Variants in GDPD5 observed in about 807,000 individuals in gnomAD.
GDPD5 encodes glycerophosphodiester phosphodiesterase domain containing 5, also known as glycerophosphodiester phosphodiesterase 2.
GDPD5 carries 48 observed loss-of-function variants against 75.1 expected under a neutral mutation model. The observed-to-expected ratio is 0.64, with a 90% confidence interval of 0.51 to 0.81. The LOEUF is 0.81. Ranked by LOEUF, GDPD5 falls within the 40% of genes least tolerant of loss-of-function variation. The pLI is 0.00. For missense variants in GDPD5, 706 were observed against 822.6 expected (o/e 0.86, Z 1.73); for synonymous variants, 336 against 339.0 (o/e 0.99, Z 0.10).
rs1391957732 is a variant in GDPD5, at chr11:75,449,502, C to A, written c.568+15G>T. The A allele has an allele frequency of 6.4e-7, 1 of 1,555,924 alleles. No individual in the cohort carries two copies. Among genetic ancestry groups the A allele is most frequent in the East Asian group, 2.4e-5 (1 of 42,144 alleles). On this transcript the variant is annotated intron_variant, in intron 8 of 16. Transcript: ENST00000336898. ...GCAGGGATTGGAGGGGCAGGCCCTT[C>A]ACAGTTCTACTCACAGGTCCGCTCT...
intron 1 of GDPD5, 152 bp from the exon 2 acceptor site, chr11:75,490,472 G>A (rs1007302647): frequency 5.3e-5 from 8 of 152,304 alleles, no homozygotes; most frequent in African/African-American, 1.9e-4. Flanking sequence ...CCCTGCCCTG[G>A]GGAAGCCACA....
At chr11:75,485,183 CA>C (rs1056693596) in intron 2 of GDPD5, 5 of 152,126 alleles carry the variant, frequency 3.3e-5, no homozygotes, top group South Asian at 2.1e-4. Flanking sequence ...GTCAAGGACT[CA>C]GGGGGAAGGG....
At chr11:75,494,303 C>T (rs1019947343) in intron 1 of GDPD5, among the ~76,000 whole-genome samples, 4 of 150,994 alleles carry the variant, frequency 2.6e-5, no homozygotes, top group East Asian at 1.9e-4. Context: ...CTGCAACCTC[C>T]GCCTCCCAGG....
intron 2 of GDPD5, among the ~76,000 whole-genome samples, chr11:75,483,767 T>C (rs975800149): frequency 3.3e-5 from 5 of 152,154 alleles, no homozygotes; most frequent in African/African-American, 9.7e-5. Context: ...ATTCCATGTA[T>C]AAGAAATGAC....
In GDPD5 at chr11:75,435,596, CAT is replaced by C; in HGVS notation, c.1727_1728del (p.Tyr576Ter). The C allele has an allele frequency of 6.2e-7, 1 of 1,613,752 alleles. No individual in the cohort carries two copies. Among genetic ancestry groups the C allele is most frequent in the Non-Finnish European group, 8.5e-7 (1 of 1,179,838 alleles). On this transcript the variant is annotated frameshift_variant, in exon 17 of 17. Transcript: ENST00000336898. LOFTEE classifies it high-confidence loss of function. Reference sequence around the variant, plus strand: ...GTGGCGGTGCTGTTGGCATATGTGTCATAACTGTTGTCTGAACATACGGAGAG... The same window carrying C: ...GTGGCGGTGCTGTTGGCATATGTGTCAACTGTTGTCTGAACATACGGAGAG... ...DVLSVCSDNS[Y>X]DTYANSTATP...
chr11:75,518,064 G>A (rs958512205), intron 1 of GDPD5, among the ~76,000 whole-genome samples: 4 of 152,230 alleles, frequency 2.6e-5, no homozygotes, highest in African/African-American at 9.6e-5. Flanking sequence ...CCTAACCAGC[G>A]CCAGTCTCAG....
chr11:75,476,837 C>A (rs1334202967), intron 3 of GDPD5, among the ~76,000 whole-genome samples: 2 of 152,194 alleles, frequency 1.3e-5, no homozygotes, highest in Non-Finnish European at 2.9e-5. Context: ...GACAGCCAGG[C>A]CTACTGGGCC....
chr11:75,514,523 C>CA (rs1950597878), intron 1 of GDPD5, among the ~76,000 whole-genome samples: 1 of 152,240 alleles, frequency 6.6e-6, no homozygotes, highest in African/African-American at 2.4e-5. Flanking sequence ...GCATTAAGCA[C>CA]AGAGAGGAAG....
chr11:75,502,936 G>A (rs996581584), intron 1 of GDPD5, among the ~76,000 whole-genome samples: 1 of 152,370 alleles, frequency 6.6e-6, no homozygotes, highest in African/African-American at 2.4e-5. Context: ...GAAACCAAGT[G>A]AGACCCTGAC....
intron 1 of GDPD5, among the ~76,000 whole-genome samples, chr11:75,518,987 A>G (rs1222517319): frequency 6.6e-6 from 1 of 152,146 alleles, no homozygotes; most frequent in African/African-American, 2.4e-5. Context: ...AAAGAACTCA[A>G]AGCAGGCCTG....
chr11:75,472,943 T>C (rs1398042760), intron 3 of GDPD5, among the ~76,000 whole-genome samples: 2 of 151,876 alleles, frequency 1.3e-5, no homozygotes, highest in Non-Finnish European at 2.9e-5. Flanking sequence ...GGGCTATTTT[T>C]TGGCAGAAGT....
At chr11:75,490,765 C>G (rs1414779040) in intron 1 of GDPD5, 1 of 152,298 alleles carries the variant, frequency 6.6e-6, no homozygotes, top group Non-Finnish European at 1.5e-5. Flanking sequence ...AAGGGAAGGA[C>G]GGTAGCCCGG....
chr11:75,466,299 C>A (rs1301518058), intron 3 of GDPD5, among the ~76,000 whole-genome samples: 1 of 152,130 alleles, frequency 6.6e-6, no homozygotes, highest in Non-Finnish European at 1.5e-5. Context: ...CAGAGGGAGG[C>A]AGGCAGCGGG....
At chr11:75,518,703 C>T (rs1160388114) in intron 1 of GDPD5, among the ~76,000 whole-genome samples, 1 of 152,148 alleles carries the variant, frequency 6.6e-6, no homozygotes, top group East Asian at 1.9e-4. Flanking sequence ...ATAAGGGTGT[C>T]CTCAAGGCCC....
chr11:75,513,065 C>T (rs1229511835), intron 1 of GDPD5, among the ~76,000 whole-genome samples: 2 of 152,186 alleles, frequency 1.3e-5, no homozygotes, highest in Non-Finnish European at 2.9e-5. Context: ...GACAGCATCA[C>T]ACGTGGAGGG....
At chr11:75,436,547 A>T (rs977497296) in intron 16 of GDPD5, among the ~76,000 whole-genome samples, 1 of 144,848 alleles carries the variant, frequency 6.9e-6, no homozygotes, top group African/African-American at 2.6e-5. Flanking sequence ...TGCTGCTTCC[A>T]TCAGACTGGG....
chr11:75,466,602 G>C (rs1949522035), intron 3 of GDPD5, among the ~76,000 whole-genome samples: 1 of 152,166 alleles, frequency 6.6e-6, no homozygotes, highest in South Asian at 2.1e-4. Context: ...CATAACACTA[G>C]GGGTTGTTTA....
intron 2 of GDPD5, chr11:75,485,291 C>T (rs1416702256): frequency 6.6e-6 from 1 of 152,080 alleles, no homozygotes; most frequent in Non-Finnish European, 1.5e-5. Context: ...GAGTGTGCAA[C>T]ACAAGGAGGG....
chr11:75,468,881 C>G (rs1298990296), intron 3 of GDPD5, among the ~76,000 whole-genome samples: 1 of 152,236 alleles, frequency 6.6e-6, no homozygotes, highest in African/African-American at 2.4e-5. Context: ...GCCAATCGCT[C>G]AGGACCTCTG....
Sources: gnomAD v4.1 joint callset for allele counts (sites outside exome capture counted in the v4.1 genomes callset) on GRCh38, gnomAD v4.1.1 for gene constraint, MANE v1.5 for transcripts, NCBI Gene and HGNC (gene_info 2026-07-23, HGNC 2026-07-21) for gene names.